Variants in ANO2 observed in about 807,000 individuals in gnomAD.
ANO2 encodes anoctamin-2.
In ANO2, 101 loss-of-function variants were observed where a neutral mutation model predicts 124.2. The ratio of observed to expected loss-of-function variants is 0.81; its 90% CI spans 0.69 to 0.96. The LOEUF (loss-of-function observed/expected upper bound fraction) is 0.96. ANO2 is among the 40% of genes least tolerant of loss of function. The pLI is 0.00. For synonymous variants in ANO2, 486 were observed against 482.5 expected (o/e 1.01, Z -0.09); for missense variants, 1,293 against 1,274.5 (o/e 1.01, Z -0.22).
In ANO2 at chr12:5,577,968, G is replaced by A; in HGVS notation, c.2426C>T (p.Ser809Phe). The A allele has an allele frequency of 6.2e-7, 1 of 1,613,848 alleles. No homozygotes were observed. The highest frequency in any genetic ancestry group is 1.7e-5 in the Admixed American group (1 of 60,018). Residue 809 changes from serine (S) to phenylalanine (F), a missense_variant, in exon 22 of 25, where the codon TCT becomes TTT. Ser to Phe is a radical substitution (Grantham distance 155). Transcript: ENST00000682330. ...FDILSGIGKF[S>F]VISNAFVIAI... ...GCAAGTACTTACGTTGCTGATAACAGAGAACTTGCCAATTCCAGAGAGAAT... is the reference window on the plus strand; with the variant it reads ...GCAAGTACTTACGTTGCTGATAACAAAGAACTTGCCAATTCCAGAGAGAAT...
chr12:5,823,734 C>G (rs958395396), intron 7 of ANO2, among the ~76,000 whole-genome samples: 2 of 152,260 alleles, frequency 1.3e-5, no homozygotes, highest in African/African-American at 2.4e-5. Context: ...AGTAGGGACT[C>G]TGTGTGGAAG....
intron 22 of ANO2, 97 bp downstream of exon 22, chr12:5,577,858 G>T: frequency 8.1e-7 from 1 of 1,230,326 alleles, no homozygotes; most frequent in Non-Finnish European, 1.2e-6. Context: ...AATGGAAAAG[G>T]CTGGGAGGTG....
At position 5,658,009 on chromosome 12, in the gene ANO2, G is replaced by A. The variant is rs1947246359; in HGVS notation, c.1546-10208C>T. 6.6e-6 allele frequency among the ~76,000 whole-genome samples: 1 copy of A among 152,102 alleles called. No individual in the cohort carries two copies. Among genetic ancestry groups the A allele is most frequent in the Admixed American group, 6.6e-5 (1 of 15,262 alleles). On this transcript the variant is annotated intron_variant, in intron 14 of 24. Transcript: ENST00000682330. This position sits in a 1 kb window ranked among gnomAD's most constrained non-coding sequence, Gnocchi z 4.3. ...GTTCAAGGCCAGCAATCTGTGAAAT[G>A]GGACCATAAAGTTACATTTGAGAAA...
chr12:5,656,679 A>C (rs1947175084), intron 14 of ANO2, among the ~76,000 whole-genome samples: 3 of 152,216 alleles, frequency 2.0e-5, no homozygotes, highest in Admixed American at 6.5e-5. Context: ...CCATAGTGTC[A>C]GATACATAGT....
intron 14 of ANO2, among the ~76,000 whole-genome samples, chr12:5,663,348 G>T (rs555241405): frequency 6.6e-6 from 1 of 152,220 alleles, no homozygotes; most frequent in Non-Finnish European, 1.5e-5. Flanking sequence ...CGGAGGAAAT[G>T]AAGCAGGGAA....
At chr12:5,916,211 A>C (rs1041580753) in intron 3 of ANO2, among the ~76,000 whole-genome samples, 1 of 152,158 alleles carries the variant, frequency 6.6e-6, no homozygotes, top group Non-Finnish European at 1.5e-5. Context: ...TGGGGAGTTG[A>C]GCCTGCAGTG....
At chr12:5,850,666 T>C (rs1410113679) in intron 4 of ANO2, among the ~76,000 whole-genome samples, 1 of 152,118 alleles carries the variant, frequency 6.6e-6, no homozygotes, top group Non-Finnish European at 1.5e-5. Context: ...CATCACTGCA[T>C]TGATGTCTGG....
chr12:5,602,183 G>T (rs538292345), intron 19 of ANO2, among the ~76,000 whole-genome samples: 44 of 150,840 alleles, frequency 2.9e-4, no homozygotes, highest in African/African-American at 1.0e-3. Context: ...CTATCTCTCG[G>T]AAAAAAAGTA....
In ANO2 at chr12:5,635,261, G is replaced by A. The variant is rs1945949845; in HGVS notation, c.1707C>T (p.Arg569=). ...CTGTCACTGTCACCCGGACATTGGA[G>A]CGTGTAGCCTTATTGAGAGACAGAG... ...AAALSLNKAT[R]SNVRVTVTAT... The change falls in exon 16 of 25, where the codon CGC becomes CGT. Residue 569 remains arginine (R), a synonymous_variant. Transcript: ENST00000682330. The surrounding 1 kb of genome is among the most constrained non-coding windows in gnomAD (Gnocchi z 5.2). 6.2e-7 allele frequency: 1 copy of A among 1,613,002 alleles called. No homozygotes were observed. Among genetic ancestry groups the A allele is most frequent in the South Asian group, 1.1e-5 (1 of 90,924 alleles).
chr12:5,720,117 C>A (rs1421927491), intron 14 of ANO2, among the ~76,000 whole-genome samples: 1 of 152,144 alleles, frequency 6.6e-6, no homozygotes, highest in African/African-American at 2.4e-5. Context: ...AGCCCCTTCT[C>A]ACCAGCTAGA....
chr12:5,660,789 T>C (rs979849847), intron 14 of ANO2, among the ~76,000 whole-genome samples: 4 of 152,130 alleles, frequency 2.6e-5, no homozygotes, highest in Non-Finnish European at 4.4e-5. Context: ...TTGGAAACAA[T>C]AGCCGGGCTC....
intron 3 of ANO2, chr12:5,856,660 A>G (rs1436913088): frequency 6.6e-6 from 1 of 152,154 alleles, no homozygotes; most frequent in East Asian, 1.9e-4. Flanking sequence ...GACATTTTAG[A>G]CCTTAAGGTT....
At chr12:5,694,742 GT>G (rs370662406) in intron 14 of ANO2, among the ~76,000 whole-genome samples, 112 of 152,070 alleles carry the variant, frequency 7.4e-4, no homozygotes, top group Middle Eastern at 6.8e-3. Flanking sequence ...TGTTTTGTTT[GT>G]TTGTTTGTTT....
intron 7 of ANO2, among the ~76,000 whole-genome samples, chr12:5,819,582 T>C (rs1203408620): frequency 6.6e-6 from 1 of 152,182 alleles, no homozygotes; most frequent in Non-Finnish European, 1.5e-5. Context: ...TGGTTTAACG[T>C]AGAGGAAGAG....
chr12:5,816,577 C>T (rs1013276491), intron 7 of ANO2, among the ~76,000 whole-genome samples: 14 of 152,038 alleles, frequency 9.2e-5, no homozygotes, highest in African/African-American at 3.1e-4. Flanking sequence ...ATTGGAAATA[C>T]GATTAGAGCA....
intron 3 of ANO2, among the ~76,000 whole-genome samples, chr12:5,902,977 T>A (rs980377021): frequency 6.7e-6 from 1 of 149,378 alleles, no homozygotes; most frequent in Admixed American, 6.7e-5. Flanking sequence ...TCTCTATGAT[T>A]TTAGCTGAGT....
chr12:5,880,564 C>T (rs907786239), intron 3 of ANO2, among the ~76,000 whole-genome samples: 29 of 152,090 alleles, frequency 1.9e-4, no homozygotes, highest in African/African-American at 6.5e-4. Flanking sequence ...GAATCATGGG[C>T]TCCTGGACAC....
At chr12:5,689,038 A>G (rs1400317193) in intron 14 of ANO2, among the ~76,000 whole-genome samples, 1 of 152,130 alleles carries the variant, frequency 6.6e-6, no homozygotes, top group East Asian at 1.9e-4. Flanking sequence ...GAAGATAACT[A>G]ATTATTAATT....
intron 10 of ANO2, among the ~76,000 whole-genome samples, chr12:5,785,418 T>C (rs546824577): frequency 5.1e-4 from 78 of 152,234 alleles, no homozygotes; most frequent in African/African-American, 1.7e-3. Flanking sequence ...GAAGCCCACT[T>C]TGTGTCTCAT....
Sources: gnomAD v4.1 joint callset for allele counts (sites outside exome capture counted in the v4.1 genomes callset) on GRCh38, gnomAD v4.1.1 for gene constraint, Gnocchi (gnomAD v3.1) non-coding constraint, MANE v1.5 for transcripts, NCBI Gene and HGNC (gene_info 2026-07-23, HGNC 2026-07-21) for gene names.